The following MEP1B variants were observed in gnomAD, a reference collection of about 807,000 sequenced individuals.
MEP1B encodes meprin A subunit beta, also known as N-benzoyl-L-tyrosyl-P-amino-benzoic acid hydrolase subunit beta.
A neutral mutation model predicts 84.6 loss-of-function variants in MEP1B; 80 were observed. That is an observed-to-expected ratio of 0.95 (90% CI 0.79 to 1.14). The LOEUF is 1.14. MEP1B is among the 50% of genes most tolerant of loss of function. MEP1B has a pLI of 0.00. For synonymous variants in MEP1B, 273 were observed against 288.1 expected (o/e 0.95, Z 0.53); for missense variants, 766 against 855.1 (o/e 0.90, Z 1.30).
In MEP1B at chr18:32,196,160, G is replaced by A; in HGVS notation, c.250+675G>A. On this transcript the variant is annotated intron_variant, in intron 5 of 14. Transcript: ENST00000269202. This position sits in a 1 kb window ranked among gnomAD's most constrained non-coding sequence, Gnocchi z 4.4. ...TCCCTGTTTCTGCTGGCCTTCTGGAGCTGGTGTCACTGCGCCACCTCGGCT... is the reference window on the plus strand; with the variant it reads ...TCCCTGTTTCTGCTGGCCTTCTGGAACTGGTGTCACTGCGCCACCTCGGCT... 1 of 605,250 alleles carries A rather than the reference G, an allele frequency of 1.7e-6. No individual in the cohort carries two copies. The highest frequency in any genetic ancestry group is 3.2e-5 in the East Asian group (1 of 31,228). 37.5% of individuals were successfully genotyped at this position (605,250 alleles called of 1,614,324 possible). A position where few individuals can be genotyped will look rare whatever the true frequency, so the allele number is the denominator to read the frequency against.
In MEP1B at chr18:32,196,850, G is replaced by A. The variant is rs978568147; in HGVS notation, c.250+1365G>A. 4 of 546,562 alleles carry A rather than the reference G, an allele frequency of 7.3e-6. No homozygotes were observed. The highest frequency in any genetic ancestry group is 2.7e-5 in the Admixed American group (1 of 36,376). 33.9% of individuals were successfully genotyped at this position (546,562 alleles called of 1,614,324 possible). On this transcript the variant is annotated intron_variant, in intron 5 of 14. Transcript: ENST00000269202. The surrounding 1 kb of genome is among the most constrained non-coding windows in gnomAD (Gnocchi z 4.4). Reference sequence around the variant, plus strand: ...TCTGCTGGCTTCTCAGGGCCTCTGCGTACTTGCCCATGATGTAGTGGAGGC... The same window carrying A: ...TCTGCTGGCTTCTCAGGGCCTCTGCATACTTGCCCATGATGTAGTGGAGGC...
intron 1 of MEP1B, among the ~76,000 whole-genome samples, chr18:32,191,393 G>A: frequency 6.6e-6 from 1 of 151,934 alleles, no homozygotes; most frequent in East Asian, 1.9e-4. Context: ...AATGAGTCTT[G>A]AATAACATTT....
intron 13 of MEP1B, among the ~76,000 whole-genome samples, chr18:32,217,344 T>C (rs1041109652): frequency 1.3e-5 from 2 of 152,170 alleles, no homozygotes; most frequent in African/African-American, 4.8e-5. Context: ...GAACTCTATA[T>C]TCTAATTGTC....
At position 32,204,208 on chromosome 18, in the gene MEP1B, G is replaced by T. The variant is rs117084287; in HGVS notation, c.395G>T (p.Arg132Leu). Reference sequence around the variant, plus strand: ...TGCTGGTCTTCAGTAGGAAATAGGCGGGTTGGGAAGCAAGAACTTTCCATC... The same window carrying T: ...TGCTGGTCTTCAGTAGGAAATAGGCTGGTTGGGAAGCAAGAACTTTCCATC... ...SGCWSSVGNR[R>L]VGKQELSIGA... The change falls in exon 7 of 15, where the codon CGG becomes CTG. Residue 132 changes from arginine (R) to leucine (L), a missense_variant. Coordinates refer to ENST00000269202, the MANE Select transcript of MEP1B (RefSeq NM_005925.3). 6.2e-7 allele frequency: 1 copy of T among 1,606,580 alleles called. No homozygotes were observed. The highest frequency in any genetic ancestry group is 1.3e-5 in the African/African-American group (1 of 74,738).
At chr18:32,205,729 C>T (rs967084790) in intron 7 of MEP1B, among the ~76,000 whole-genome samples, 2 of 152,104 alleles carry the variant, frequency 1.3e-5, no homozygotes, top group Non-Finnish European at 2.9e-5. Context: ...TAGTATAATG[C>T]TAAATGGCCT....
At chr18:32,198,502 C>T (rs562196540) in intron 5 of MEP1B, among the ~76,000 whole-genome samples, 3 of 152,330 alleles carry the variant, frequency 2.0e-5, no homozygotes, top group African/African-American at 7.2e-5. Flanking sequence ...GTGCCTCTTC[C>T]TAATTGGCAC....
At chr18:32,216,267 C>G (rs2041088965) in intron 12 of MEP1B, among the ~76,000 whole-genome samples, 1 of 152,050 alleles carries the variant, frequency 6.6e-6, no homozygotes, top group Non-Finnish European at 1.5e-5. Context: ...TAGATGATAC[C>G]TCTTGGAGAG....
At chr18:32,202,817 G>A (rs1355330072) in intron 5 of MEP1B, 76 bp from the exon 6 acceptor site, 1 of 851,444 alleles carries the variant, frequency 1.2e-6, no homozygotes, top group Non-Finnish European at 1.9e-6. Flanking sequence ...ATATATTGCA[G>A]TGGCCTGCTT....
Position 32,217,884 on chromosome 18 carries a change from C to T in MEP1B, c.2010C>T (p.Ile670=). ...TVAVFALMLI[I]TLVSVYCTRK... Reference sequence around the variant, plus strand: ...CTGTGTTTGCCTTGATGCTGATCATCACCCTTGTCAGTGTCTATTGCACCA... The same window carrying T: ...CTGTGTTTGCCTTGATGCTGATCATTACCCTTGTCAGTGTCTATTGCACCA... Residue 670 remains isoleucine, a synonymous_variant, in exon 14 of 15, where the codon ATC becomes ATT. Transcript: ENST00000269202. The T allele has an allele frequency of 6.2e-7, 1 of 1,613,946 alleles. No homozygotes were observed. Among genetic ancestry groups the T allele is most frequent in the Non-Finnish European group, 8.5e-7 (1 of 1,179,892 alleles).
intron 14 of MEP1B, 25 bp from the exon 15 acceptor site, chr18:32,220,203 AATC>A: frequency 6.3e-7 from 1 of 1,589,760 alleles, no homozygotes. Context: ...TTAGAAATTA[AATC>A]ATCAATTGTT....
At chr18:32,212,576 T>G (rs1335911442) in intron 10 of MEP1B, among the ~76,000 whole-genome samples, 1 of 152,208 alleles carries the variant, frequency 6.6e-6, no homozygotes, top group Non-Finnish European at 1.5e-5. Context: ...CTTACAATGC[T>G]GAGTTACTGG....
chr18:32,202,826 T>C, intron 5 of MEP1B, 67 bp from the exon 6 acceptor site: 1 of 971,242 alleles, frequency 1.0e-6, no homozygotes, highest in Non-Finnish European at 1.6e-6. Context: ...AGTGGCCTGC[T>C]TCCATGGAAG....
chr18:32,195,309 G>A, intron 4 of MEP1B, 98 bp from the exon 5 acceptor site: 1 of 722,244 alleles, frequency 1.4e-6, no homozygotes, highest in African/African-American at 1.8e-5. Flanking sequence ...GTGCGAACTG[G>A]GAGAGCTTTA....
chr18:32,198,902 C>T (rs1394239539), intron 5 of MEP1B, among the ~76,000 whole-genome samples: 4 of 152,040 alleles, frequency 2.6e-5, no homozygotes, highest in Non-Finnish European at 5.9e-5. Flanking sequence ...AGATTCCTAA[C>T]CAAGATAAAT....
At chr18:32,191,501 G>C (rs9960741) in intron 1 of MEP1B, among the ~76,000 whole-genome samples, 1 of 151,768 alleles carries the variant, frequency 6.6e-6, no homozygotes, top group East Asian at 1.9e-4. Flanking sequence ...TTAGAAAATC[G>C]TGTGTAAAGT....
rs1480690534 is a variant in MEP1B, at chr18:32,213,386, A to G, written c.1406A>G (p.His469Arg). Residue 469 changes from histidine to arginine, a missense_variant, in exon 11 of 15, where the codon CAT becomes CGT. By Grantham distance (29) the His-to-Arg change is conservative. Coordinates refer to ENST00000269202, the MANE Select transcript of MEP1B (RefSeq NM_005925.3). ...TTTCAGATTTACTTAAATCTAGCCC[A>G]TGTGACTAATGCAGGGATATATTTC... Reference protein sequence around the residue: ...YAFQIYLNLAHVTNAGIYFHL... With the variant: ...YAFQIYLNLARVTNAGIYFHL... 1 of 1,613,866 alleles carries G rather than the reference A, an allele frequency of 6.2e-7. No homozygotes were observed. The highest frequency in any genetic ancestry group is 2.2e-5 in the East Asian group (1 of 44,878).
chr18:32,190,240 T>G, intron 1 of MEP1B, 107 bp downstream of exon 1: 1 of 810,432 alleles, frequency 1.2e-6, no homozygotes, highest in South Asian at 1.7e-5. Flanking sequence ...CATCTTGAAA[T>G]GTTGATCTCA....
At chr18:32,198,945 T>C (rs963967881) in intron 5 of MEP1B, among the ~76,000 whole-genome samples, 5 of 152,138 alleles carry the variant, frequency 3.3e-5, no homozygotes, top group African/African-American at 4.8e-5. Flanking sequence ...TTGTTAGATT[T>C]AGTGATTGAC....
At chr18:32,217,220 A>T in intron 13 of MEP1B, 103 bp downstream of exon 13, 1 of 1,316,742 alleles carries the variant, frequency 7.6e-7, no homozygotes. Context: ...AAATCAGTTG[A>T]TTCTCATCTC....
Sources: gnomAD v4.1 joint callset for allele counts (sites outside exome capture counted in the v4.1 genomes callset) on GRCh38, gnomAD v4.1.1 for gene constraint, Gnocchi (gnomAD v3.1) non-coding constraint, MANE v1.5 for transcripts, NCBI Gene and HGNC (gene_info 2026-07-23, HGNC 2026-07-21) for gene names.